The following SYMPK variants were observed in gnomAD, a reference collection of about 807,000 sequenced individuals.
SYMPK encodes the protein symplekin scaffold protein, also known as symplekin.
Under a neutral mutation model 136.4 loss-of-function variants are expected in SYMPK, and 49 were observed. The ratio of observed to expected loss-of-function variants is 0.36; its 90% CI spans 0.29 to 0.46. The LOEUF is 0.46. Ranked by LOEUF, SYMPK falls within the 20% of genes least tolerant of loss-of-function variation. The probability of loss-of-function intolerance (pLI) is 1.00; values close to 1 mark genes in which losing one functional copy is unlikely to be tolerated. For missense variants in SYMPK, 1,365 were observed against 1,690.0 expected (o/e 0.81, Z 3.37); for synonymous variants, 766 against 713.0 (o/e 1.07, Z -1.19).
At chr19:45,818,595 G>A (rs1055967669) in intron 22 of SYMPK, among the ~76,000 whole-genome samples, 1 of 152,224 alleles carries the variant, frequency 6.6e-6, no homozygotes, top group Non-Finnish European at 1.5e-5. Context: ...TCCTGACAAG[G>A]ATACAGGGCT....
chr19:45,847,172 A>G (rs1971582752), intron 7 of SYMPK, among the ~76,000 whole-genome samples: 1 of 152,024 alleles, frequency 6.6e-6, no homozygotes, highest in East Asian at 1.9e-4. Flanking sequence ...TAATCCCAGC[A>G]CTTTGGGAGG....
rs751368545 is a variant in SYMPK, at chr19:45,816,595, A to AG, written c.3259-19dup. 52 of 1,613,130 alleles carry AG rather than the reference A, an allele frequency of 3.2e-5. 1 individual carries two copies. In the South Asian group the frequency reaches 5.3e-4, roughly 16 times the overall value. ...TGAGCTTGCTGGGTGGAGAGCAGGA[A>AG]GGGGGCGCTGGGGGCAGCTCTGGCA... On this transcript the variant is annotated intron_variant, in intron 24 of 26. Coordinates refer to ENST00000245934, the MANE Select transcript of SYMPK (RefSeq NM_004819.3).
At chr19:45,827,647 G>A (rs1489375089) in intron 15 of SYMPK, 24 bp from the exon 16 acceptor site, 6 of 1,601,300 alleles carry the variant, frequency 3.7e-6, no homozygotes, top group Admixed American at 1.7e-5. Context: ...AAAGGGACCC[G>A]AGCTCAGCCC....
At chr19:45,822,467 A>G (rs1405696675) in intron 21 of SYMPK, among the ~76,000 whole-genome samples, 1 of 152,074 alleles carries the variant, frequency 6.6e-6, no homozygotes, top group East Asian at 1.9e-4. Context: ...GCCAGACTGG[A>G]GCCGGGCCTG....
intron 23 of SYMPK, 139 bp from the exon 24 acceptor site, chr19:45,817,113 C>T: frequency 2.4e-6 from 2 of 845,944 alleles, no homozygotes; most frequent in South Asian, 1.9e-5. Flanking sequence ...CAAGCAGCCC[C>T]GACCTCCCTC....
chr19:45,821,309 G>A lies in SYMPK; in HGVS notation c.2893+75C>T, dbSNP rs1168366317. 2 of 1,081,472 alleles carry A rather than the reference G, an allele frequency of 1.8e-6. No homozygotes were observed. Among genetic ancestry groups the A allele is most frequent in the Admixed American group, 1.7e-5 (1 of 58,976 alleles). The allele number at this position is 1,081,472 out of a possible 1,614,324, so 67.0% of individuals were successfully genotyped here. A position where few individuals can be genotyped will look rare whatever the true frequency, so the allele number is the denominator to read the frequency against. Reference sequence around the variant, plus strand: ...TCTTTGACTTGGCAGATTCCAGTGGGGGCATGTGGGTGACTGAGGTCCTGC... The same window carrying A: ...TCTTTGACTTGGCAGATTCCAGTGGAGGCATGTGGGTGACTGAGGTCCTGC... On this transcript the variant is annotated intron_variant, in intron 22 of 26. Transcript: ENST00000245934. The surrounding 1 kb of genome is among the most constrained non-coding windows in gnomAD (Gnocchi z 4.4).
chr19:45,856,412 T>C lies in SYMPK; in HGVS notation c.-12-1905A>G, dbSNP rs150267424. On this transcript the variant is annotated intron_variant, in intron 1 of 26. Transcript: ENST00000245934. ...GACAGCCTGTTGCATCAGAGGACAATACATGCAGTTCAAGCCATTTTTGTC... is the reference window on the plus strand; with the variant it reads ...GACAGCCTGTTGCATCAGAGGACAACACATGCAGTTCAAGCCATTTTTGTC... Among the ~76,000 whole-genome samples the C allele has an allele frequency of 6.6e-3, 1,002 of 152,190 alleles. 5 individuals are homozygous for C. The highest frequency in any genetic ancestry group is 0.011 in the Admixed American group (175 of 15,276).
At position 45,829,039 on chromosome 19, in the gene SYMPK, A is replaced by G. The variant is rs1276989311; in HGVS notation, c.1916T>C (p.Leu639Pro). ...GATGAGGCAGTCCTCATACTTGTCC[A>G]GGGAGCCCGAGGCACCTGCGGCCAG... ...AYLAAGASGS[L>P]DKYEDCLIRL... Residue 639 changes from leucine to proline, a missense_variant, in exon 14 of 27, where the codon CTG becomes CCG. This residue lies in a region of SYMPK where 303 missense variants were observed against 326.6 expected (regional missense o/e 0.93). Coordinates refer to ENST00000245934, the MANE Select transcript of SYMPK (RefSeq NM_004819.3). The G allele has an allele frequency of 6.2e-7, 1 of 1,614,062 alleles. No individual in the cohort carries two copies. The highest frequency in any genetic ancestry group is 8.5e-7 in the Non-Finnish European group (1 of 1,180,052).
In SYMPK at chr19:45,816,869, C is replaced by T; in HGVS notation, c.3187G>A (p.Ala1063Thr). Residue 1063 changes from alanine (A) to threonine (T), a missense_variant, in exon 24 of 27, where the codon GCC (alanine) becomes ACC (threonine). Coordinates refer to ENST00000245934, the MANE Select transcript of SYMPK (RefSeq NM_004819.3). ...ILQLPPQQLG[A>T]VFDKCPELRE... Reference sequence around the variant, plus strand: ...AGCTCTGGGCACTTGTCAAAGACGGCTCCCAGCTGCTGGGGCGGCAGCTGC... The same window carrying T: ...AGCTCTGGGCACTTGTCAAAGACGGTTCCCAGCTGCTGGGGCGGCAGCTGC... The T allele has an allele frequency of 3.2e-6, 5 of 1,550,120 alleles. No individual in the cohort carries two copies. The highest frequency in any genetic ancestry group is 1.2e-5 in the South Asian group (1 of 84,040).
intron 5 of SYMPK, among the ~76,000 whole-genome samples, chr19:45,851,743 G>C (rs1007540020): frequency 2.0e-5 from 3 of 151,938 alleles, no homozygotes; most frequent in Admixed American, 1.3e-4. Flanking sequence ...ATGTGGTGGC[G>C]CATGCCTGTA....
intron 21 of SYMPK, among the ~76,000 whole-genome samples, chr19:45,822,505 A>G (rs1970933000): frequency 6.6e-6 from 1 of 152,144 alleles, no homozygotes; most frequent in African/African-American, 2.4e-5. Context: ...GCCAGATCCT[A>G]AAAGGGAAGA....
At chr19:45,817,084 G>T in intron 23 of SYMPK, 110 bp from the exon 24 acceptor site, 1 of 1,119,588 alleles carries the variant, frequency 8.9e-7, no homozygotes, top group Non-Finnish European at 1.3e-6. Flanking sequence ...CACCATCCAA[G>T]ATTCCTCTGG....
intron 1 of SYMPK, among the ~76,000 whole-genome samples, chr19:45,860,747 G>T (rs1971947422): frequency 6.6e-6 from 1 of 152,128 alleles, no homozygotes; most frequent in African/African-American, 2.4e-5. Context: ...GGGCTCAGGC[G>T]ATCCTCCTAC....
Position 45,828,903 on chromosome 19 carries a change from A to G in SYMPK, c.1985+67T>C, listed in dbSNP as rs558814977. 16 of 1,509,410 alleles carry G rather than the reference A, an allele frequency of 1.1e-5. No individual in the cohort carries two copies. In the East Asian group the frequency reaches 3.4e-4, roughly 32 times the overall value. 93.5% of individuals were successfully genotyped at this position (1,509,410 alleles called of 1,614,324 possible). A position where few individuals can be genotyped will look rare whatever the true frequency, so the allele number is the denominator to read the frequency against. ...CGAAGAGGGAGGTGGTCGCAATCAG[A>G]AAGGGAGGGCAGCACCAGGAGAGGA... On this transcript the variant is annotated intron_variant, in intron 14 of 26. Coordinates refer to ENST00000245934, the MANE Select transcript of SYMPK (RefSeq NM_004819.3).
chr19:45,852,825 G>A (rs1054977530), intron 3 of SYMPK, among the ~76,000 whole-genome samples: 1 of 152,150 alleles, frequency 6.6e-6, no homozygotes, highest in African/African-American at 2.4e-5. Context: ...GTGAGGACAT[G>A]ACACAGGAGG....
chr19:45,826,427 A>G, intron 16 of SYMPK, 54 bp from the exon 17 acceptor site: 2 of 1,577,950 alleles, frequency 1.3e-6, no homozygotes, highest in Non-Finnish European at 1.7e-6. Context: ...GAGGAAGAAC[A>G]GCTATTCCTG....
At chr19:45,844,762 C>T (rs939506289) in intron 7 of SYMPK, among the ~76,000 whole-genome samples, 3 of 152,120 alleles carry the variant, frequency 2.0e-5, no homozygotes, top group African/African-American at 7.2e-5. Context: ...ATACACACAA[C>T]TCAAAGTCCC....
Position 45,827,899 on chromosome 19 carries a change from G to C in SYMPK, c.2005C>G (p.Leu669Val), listed in dbSNP as rs759297312. 2.5e-6 allele frequency: 4 copies of C among 1,613,810 alleles called. No individual in the cohort carries two copies. The highest frequency in any genetic ancestry group is 3.4e-6 in the Non-Finnish European group (4 of 1,180,022). Reference protein sequence around the residue: ...QKDGIFTKVVLEAPLITESAL... With the variant: ...QKDGIFTKVVVEAPLITESAL... ...CTCTCTGTGATGAGTGGCGCCTCCA[G>C]CACAACCTTGGTGAAGATCCTGCCA... Residue 669 changes from leucine to valine, a missense_variant, in exon 15 of 27, where the codon CTG becomes GTG. Physicochemically the swap from Leu to Val is conservative, Grantham distance 32. Transcript: ENST00000245934.
intron 22 of SYMPK, chr19:45,820,178 G>A (rs566176156): frequency 2.6e-5 from 4 of 151,698 alleles, no homozygotes; most frequent in Non-Finnish European, 5.9e-5. Context: ...GCCTTGGGGT[G>A]TGTGTGTGTA....
Sources: gnomAD v4.1 joint callset for allele counts (sites outside exome capture counted in the v4.1 genomes callset) on GRCh38, gnomAD v4.1.1 for gene constraint, gnomAD v4.1.1 regional missense constraint, Gnocchi (gnomAD v3.1) non-coding constraint, MANE v1.5 for transcripts, NCBI Gene and HGNC (gene_info 2026-07-23, HGNC 2026-07-21) for gene names.